PCDH7: variants seen among roughly 807,000 people sequenced by gnomAD.
PCDH7 encodes the protein protocadherin 7.
A neutral mutation model predicts 58.9 loss-of-function variants in PCDH7; 17 were observed. That is an observed-to-expected ratio of 0.29 (90% confidence interval 0.20 to 0.43). The LOEUF is 0.43. PCDH7 is among the 20% of genes least tolerant of loss of function. PCDH7 has a pLI of 1.00. For synonymous variants in PCDH7, 664 were observed against 616.4 expected (o/e 1.08, Z -1.14); for missense variants, 1,274 against 1,441.0 (o/e 0.88, Z 1.88).
chr4:31,056,490 AAAGAAAGAAAGAAAGAAAGAAAGAAAGG>A lies in PCDH7; in HGVS notation c.*8-85982_*8-85955del, dbSNP rs1560608733. 1.5e-3 allele frequency among the ~76,000 whole-genome samples: 203 copies of A among 139,800 alleles called. 1 individual carries two copies. The highest frequency in any genetic ancestry group is 3.4e-3 in the Middle Eastern group (1 of 292). 91.7% of individuals were successfully genotyped at this position (139,800 alleles called of 152,430 possible). On this transcript the variant is annotated intron_variant, in intron 3 of 3. Transcript: ENST00000509759. ...GAAAGAAAGAAAGAAAGAAAGAAAG[AAAGAAAGAAAGAAAGAAAGAAAGAAAGG>A]GGAAGGGAAGGGAAGGAAGGAGAGA...
At chr4:30,816,684 G>A (rs1047064404) in intron 1 of PCDH7, among the ~76,000 whole-genome samples, 4 of 151,772 alleles carry the variant, frequency 2.6e-5, no homozygotes, top group Admixed American at 6.6e-5. Context: ...TCCAAACAGC[G>A]ATTATATATG....
intron 1 of PCDH7, among the ~76,000 whole-genome samples, chr4:30,755,385 G>A (rs1719162333): frequency 6.6e-6 from 1 of 152,036 alleles, no homozygotes. Flanking sequence ...ACTTCTTTTT[G>A]GATCCTGAAA....
In PCDH7 at chr4:30,722,199, G is replaced by A. The variant is rs1713731522; in HGVS notation, c.777G>A (p.Gln259=). The change falls in exon 1 of 2, where the codon CAG becomes CAA. Residue 259 remains glutamine, a synonymous_variant. Coordinates refer to ENST00000361762, the Ensembl canonical transcript of PCDH7. The surrounding 1 kb of genome is among the most constrained non-coding windows in gnomAD (Gnocchi z 7.6). ...CCCCGGACGGCGAGAAGCAGCCGCA[G>A]CTGATCGTGAAGGGGGCGCTGGACC... The A allele has an allele frequency of 8.2e-6, 13 of 1,581,152 alleles. No homozygotes were observed. Among genetic ancestry groups the A allele is most frequent in the South Asian group, 1.1e-5 (1 of 87,406 alleles).
intron 3 of PCDH7, among the ~76,000 whole-genome samples, chr4:31,106,846 AAC>A (rs1715638880): frequency 6.6e-6 from 1 of 152,210 alleles, no homozygotes; most frequent in African/African-American, 2.4e-5. Flanking sequence ...GATTGATGAA[AAC>A]ACACACATTT....
At chr4:30,924,416 G>A (rs372401753) in intron 2 of PCDH7, among the ~76,000 whole-genome samples, 63 of 152,264 alleles carry the variant, frequency 4.1e-4, no homozygotes, top group East Asian at 4.0e-3. Context: ...TTATGCTATA[G>A]AATGGAGACA....
intron 3 of PCDH7, among the ~76,000 whole-genome samples, chr4:31,070,219 A>G (rs141324003): frequency 6.8e-4 from 103 of 152,166 alleles, no homozygotes; most frequent in African/African-American, 2.3e-3. Context: ...GATATTCTCA[A>G]ATGTTCACTT....
At chr4:30,991,849 T>C (rs1751489589) in intron 3 of PCDH7, among the ~76,000 whole-genome samples, 1 of 152,194 alleles carries the variant, frequency 6.6e-6, no homozygotes, top group South Asian at 2.1e-4. Flanking sequence ...AGACAGTATT[T>C]ACATATATAT....
At chr4:30,733,479 A>G (rs1715809932), downstream of PCDH7, among the ~76,000 whole-genome samples, 1 of 152,108 alleles carries the variant, frequency 6.6e-6, no homozygotes, top group African/African-American at 2.4e-5. Flanking sequence ...TTTTTAAGAG[A>G]CAAGTGTCTC....
intron 3 of PCDH7, among the ~76,000 whole-genome samples, chr4:30,994,421 GA>G (rs1408181083): frequency 2.0e-5 from 3 of 151,960 alleles, no homozygotes; most frequent in African/African-American, 7.2e-5. Flanking sequence ...AGAAGTAGAT[GA>G]AAAAAAGCAA....
chr4:30,997,041 C>T (rs1286732766), intron 3 of PCDH7, among the ~76,000 whole-genome samples: 2 of 151,622 alleles, frequency 1.3e-5, no homozygotes, highest in Non-Finnish European at 2.9e-5. Context: ...GAACCCTAAA[C>T]ATGGTGATTT....
At position 30,894,463 on chromosome 4, in the gene PCDH7, G is replaced by GAAAA. The variant is rs750545292; in HGVS notation, c.71-25665_71-25662dup. On this transcript the variant is annotated intron_variant, in intron 1 of 3. Coordinates refer to the PCDH7 transcript ENST00000509759. The stretch of plus-strand genomic sequence containing the variant: ...TGGTCTGGAGACCAGTTTCATTCAG[G>GAAAA]AAAAAAAAAAAAAAAAAAAAAAAAA... 1.2e-3 allele frequency among the ~76,000 whole-genome samples: 15 copies of GAAAA among 13,042 alleles called. 2 individuals carry two copies. Among genetic ancestry groups the GAAAA allele is most frequent in the Non-Finnish European group, 1.1e-3 (9 of 7,892 alleles). The allele number at this position is 13,042 out of a possible 152,430, so 8.6% of individuals were successfully genotyped here. A position where few individuals can be genotyped will look rare whatever the true frequency, so the allele number is the denominator to read the frequency against.
At chr4:30,849,358 A>G in intron 1 of PCDH7, among the ~76,000 whole-genome samples, 1 of 148,642 alleles carries the variant, frequency 6.7e-6, no homozygotes, top group East Asian at 2.1e-4. Context: ...GTAAGATCAC[A>G]ACATGTGTTT....
chr4:31,072,920 A>T (rs1758675108), intron 3 of PCDH7, among the ~76,000 whole-genome samples: 1 of 152,122 alleles, frequency 6.6e-6, no homozygotes, highest in African/African-American at 2.4e-5. Context: ...GGAAAAACAG[A>T]TAATCAAAAG....
intron 1 of PCDH7, among the ~76,000 whole-genome samples, chr4:30,892,618 T>C (rs975696950): frequency 2.6e-5 from 4 of 152,062 alleles, no homozygotes; most frequent in East Asian, 3.9e-4. Flanking sequence ...AAATGATATA[T>C]GCTTAGTACA....
At chr4:30,855,462 G>A (rs549525894) in intron 1 of PCDH7, among the ~76,000 whole-genome samples, 40 of 152,216 alleles carry the variant, frequency 2.6e-4, no homozygotes, top group Non-Finnish European at 4.7e-4. Flanking sequence ...TGCTGTTTGC[G>A]GCAAACTCAT....
intron 3 of PCDH7, among the ~76,000 whole-genome samples, chr4:31,091,632 T>C (rs1713266505): frequency 6.6e-6 from 1 of 151,864 alleles, no homozygotes; most frequent in Admixed American, 6.6e-5. Context: ...AAGGATAGCA[T>C]AAAAATGAAT....
intron 3 of PCDH7, among the ~76,000 whole-genome samples, chr4:31,023,246 A>T (rs1430155298): frequency 6.6e-6 from 1 of 152,218 alleles, no homozygotes; most frequent in Non-Finnish European, 1.5e-5. Context: ...TGGCAACACC[A>T]GAATCGCAGT....
chr4:31,145,762 G>A (rs1049050630), downstream of PCDH7: 1 of 152,084 alleles, frequency 6.6e-6, no homozygotes, highest in Non-Finnish European at 1.5e-5. Context: ...GAAGATGAAA[G>A]CGTTTATTGT....
chr4:30,767,744 A>C (rs1720936061), intron 1 of PCDH7, among the ~76,000 whole-genome samples: 1 of 152,212 alleles, frequency 6.6e-6, no homozygotes, highest in Non-Finnish European at 1.5e-5. Context: ...TCTTACTAGT[A>C]AGGCAGAATG....
Sources: gnomAD v4.1 joint callset for allele counts (sites outside exome capture counted in the v4.1 genomes callset) on GRCh38, gnomAD v4.1.1 for gene constraint, Gnocchi (gnomAD v3.1) non-coding constraint, MANE v1.5 for transcripts, NCBI Gene and HGNC (gene_info 2026-07-23, HGNC 2026-07-21) for gene names.